PACRG: variants seen among roughly 807,000 people sequenced by gnomAD.
PACRG encodes the protein parkin coregulated.
PACRG carries 29 observed loss-of-function variants against 29.7 expected under a neutral mutation model. The observed-to-expected ratio is 0.98, with a 90% CI of 0.73 to 1.33. PACRG has a LOEUF of 1.33. Among genes scored for constraint, PACRG ranks in the 40% most tolerant of loss-of-function variants. The pLI is 0.00. For missense variants in PACRG, 279 were observed against 316.2 expected, an observed-to-expected ratio of 0.88 and a Z score of 0.89; for synonymous variants, 116 against 118.7, an observed-to-expected ratio of 0.98 and a Z score of 0.15.
chr6:162,893,690 C>T (rs531743803), intron 2 of PACRG, among the ~76,000 whole-genome samples: 5 of 152,290 alleles, frequency 3.3e-5, no homozygotes, highest in African/African-American at 4.8e-5. Context: ...TCGACACCAT[C>T]GATAGACCGT....
At chr6:162,727,190 G>C (rs1302140363), upstream of PACRG, 1 of 157,816 alleles carries the variant, frequency 6.3e-6, no homozygotes, top group East Asian at 1.8e-4. Flanking sequence ...CCTTCCATTA[G>C]AGTTTAATGC....
At chr6:162,761,960 C>A (rs1404222373) in intron 1 of PACRG, among the ~76,000 whole-genome samples, 2 of 145,972 alleles carry the variant, frequency 1.4e-5, no homozygotes, top group Non-Finnish European at 3.0e-5. Flanking sequence ...AAAGAAACCC[C>A]CCCCCAAAAA....
At chr6:162,749,073 T>C (rs1781314599) in intron 1 of PACRG, among the ~76,000 whole-genome samples, 1 of 152,174 alleles carries the variant, frequency 6.6e-6, no homozygotes, top group Non-Finnish European at 1.5e-5. Context: ...TCAGAATTAT[T>C]TTGAGATGCA....
At chr6:163,263,337 G>A (rs1366792815) in intron 4 of PACRG, among the ~76,000 whole-genome samples, 1 of 152,048 alleles carries the variant, frequency 6.6e-6, no homozygotes, top group African/African-American at 2.4e-5. Flanking sequence ...TTGCTCACAA[G>A]AGCTTCCCTC....
chr6:162,767,025 A>G (rs2128297865), intron 1 of PACRG, among the ~76,000 whole-genome samples: 1 of 152,110 alleles, frequency 6.6e-6, no homozygotes, highest in Admixed American at 6.5e-5. Flanking sequence ...TTTTTAAATT[A>G]TTGACTTAAT....
At chr6:162,866,960 CT>C (rs1792350305) in intron 2 of PACRG, among the ~76,000 whole-genome samples, 1 of 152,166 alleles carries the variant, frequency 6.6e-6, no homozygotes, top group Non-Finnish European at 1.5e-5. Flanking sequence ...CTCTGTGGTT[CT>C]TTGTCTCAGA....
chr6:163,250,545 C>T (rs191988976), intron 4 of PACRG, among the ~76,000 whole-genome samples: 12 of 152,282 alleles, frequency 7.9e-5, no homozygotes, highest in East Asian at 5.8e-4. Context: ...TCAAGGTAAA[C>T]GATCATATCG....
chr6:162,888,317 G>A (rs1017299063), intron 2 of PACRG, among the ~76,000 whole-genome samples: 3 of 152,066 alleles, frequency 2.0e-5, no homozygotes, highest in Non-Finnish European at 2.9e-5. Context: ...TGGGTCCAGC[G>A]GCTCTTTCAG....
At chr6:163,274,013 GTT>G (rs1783938296) in intron 4 of PACRG, among the ~76,000 whole-genome samples, 1 of 151,630 alleles carries the variant, frequency 6.6e-6, no homozygotes, top group Admixed American at 6.6e-5. Context: ...TTATTATGTT[GTT>G]TTCTTTTTCT....
At chr6:163,122,774 C>T (rs1369006657) in intron 4 of PACRG, among the ~76,000 whole-genome samples, 1 of 152,170 alleles carries the variant, frequency 6.6e-6, no homozygotes, top group Admixed American at 6.5e-5. Flanking sequence ...ATGAAAACCA[C>T]ACATAATTAA....
chr6:162,803,905 C>T (rs1413978211), intron 1 of PACRG, among the ~76,000 whole-genome samples: 4 of 152,044 alleles, frequency 2.6e-5, no homozygotes, highest in Non-Finnish European at 4.4e-5. Flanking sequence ...TATAAAACAT[C>T]ATATGCCTGG....
intron 2 of PACRG, among the ~76,000 whole-genome samples, chr6:162,971,126 G>A (rs1049828306): frequency 6.6e-6 from 1 of 152,170 alleles, no homozygotes; most frequent in Non-Finnish European, 1.5e-5. Context: ...GAGCATTCTG[G>A]GTGAAGGCTT....
intron 1 of PACRG, among the ~76,000 whole-genome samples, chr6:162,741,524 T>G (rs1287305755): frequency 1.3e-5 from 2 of 152,150 alleles, no homozygotes; most frequent in Non-Finnish European, 2.9e-5. Context: ...TCTCTCTCTC[T>G]CTCTCTCTTT....
intron 2 of PACRG, among the ~76,000 whole-genome samples, chr6:162,981,644 C>T (rs1485442536): frequency 6.6e-6 from 1 of 152,012 alleles, no homozygotes. Context: ...GTCATTTTCA[C>T]AATATTGATT....
chr6:163,149,541 A>C (rs62427621), intron 4 of PACRG, among the ~76,000 whole-genome samples: 25,056 of 151,826 alleles, frequency 0.17, 2,085 homozygotes, highest in Non-Finnish European at 0.19. Flanking sequence ...TCCCTAAAGC[A>C]ACCGCGTCTC....
chr6:162,774,622 CATTTA>C (rs1299958166), intron 1 of PACRG, among the ~76,000 whole-genome samples: 1 of 152,106 alleles, frequency 6.6e-6, no homozygotes, highest in Non-Finnish European at 1.5e-5. Flanking sequence ...TCTCTGTTGC[CATTTA>C]ATTCCCCACT....
chr6:163,233,212 T>A (rs1782113698), intron 4 of PACRG, among the ~76,000 whole-genome samples: 1 of 152,240 alleles, frequency 6.6e-6, no homozygotes, highest in South Asian at 2.1e-4. Flanking sequence ...TACTTTCATG[T>A]TTTCTACATC....
intron 2 of PACRG, among the ~76,000 whole-genome samples, chr6:162,891,654 A>G (rs1457222317): frequency 6.6e-6 from 1 of 152,138 alleles, no homozygotes; most frequent in Non-Finnish European, 1.5e-5. Flanking sequence ...GCTGTTGCCA[A>G]TGGCCTAGCT....
chr6:163,261,363 T>G (rs1783318600), intron 4 of PACRG, among the ~76,000 whole-genome samples: 1 of 152,100 alleles, frequency 6.6e-6, no homozygotes, highest in South Asian at 2.1e-4. Flanking sequence ...TCATCTAGGT[T>G]TTAAACCCCG....
Sources: gnomAD v4.1 joint callset for allele counts (sites outside exome capture counted in the v4.1 genomes callset) on GRCh38, gnomAD v4.1.1 for gene constraint, MANE v1.5 for transcripts, NCBI Gene and HGNC (gene_info 2026-07-23, HGNC 2026-07-21) for gene names.